Variants in SOBP observed in about 807,000 individuals in gnomAD.
SOBP encodes the protein sine oculis-binding protein homolog.
A neutral mutation model predicts 53.6 loss-of-function variants in SOBP; 4 were observed. The observed-to-expected ratio is 0.07, with a 90% CI of 0.04 to 0.17. The LOEUF is 0.17. SOBP is among the 10% of genes least tolerant of loss of function. The pLI, the probability that SOBP is intolerant of heterozygous loss-of-function variation, is 1.00. For synonymous variants in SOBP, 584 were observed against 522.6 expected (o/e 1.12, Z -1.60); for missense variants, 1,088 against 1,204.7 (o/e 0.90, Z 1.43).
intron 5 of SOBP, among the ~76,000 whole-genome samples, chr6:107,593,061 C>T (rs1156328485): frequency 6.6e-6 from 1 of 152,192 alleles, no homozygotes; most frequent in Non-Finnish European, 1.5e-5. Context: ...ATCTTCTTCT[C>T]CAGCTTTGTC....
At chr6:107,539,676 G>C (rs1019789157) in intron 4 of SOBP, among the ~76,000 whole-genome samples, 3 of 152,218 alleles carry the variant, frequency 2.0e-5, no homozygotes, top group African/African-American at 4.8e-5. Context: ...TAGTCCGACT[G>C]TCTGTTTGGG....
At chr6:107,600,071 T>A (rs985227129) in intron 5 of SOBP, among the ~76,000 whole-genome samples, 1 of 152,232 alleles carries the variant, frequency 6.6e-6, no homozygotes, top group African/African-American at 2.4e-5. Flanking sequence ...TAAGAAAACA[T>A]GCAAACAGAA....
At chr6:107,509,214 G>C (rs563811767) in intron 3 of SOBP, among the ~76,000 whole-genome samples, 13 of 152,220 alleles carry the variant, frequency 8.5e-5, no homozygotes, top group Non-Finnish European at 1.5e-4. Flanking sequence ...GACCAACATG[G>C]AGAAACCCCA....
At chr6:107,609,726 G>C (rs902277275) in intron 5 of SOBP, among the ~76,000 whole-genome samples, 1 of 152,080 alleles carries the variant, frequency 6.6e-6, no homozygotes, top group Non-Finnish European at 1.5e-5. Flanking sequence ...TAAATATTAG[G>C]AAGAGGAGAG....
At chr6:107,603,320 G>A (rs1012906380) in intron 5 of SOBP, among the ~76,000 whole-genome samples, 35 of 152,318 alleles carry the variant, frequency 2.3e-4, no homozygotes, top group African/African-American at 7.5e-4. Context: ...GAGGCACCCC[G>A]TGTACTTTCA....
At chr6:107,608,606 C>T (rs1366176590) in intron 5 of SOBP, among the ~76,000 whole-genome samples, 1 of 152,230 alleles carries the variant, frequency 6.6e-6, no homozygotes, top group Non-Finnish European at 1.5e-5. Flanking sequence ...GTAAGTGCTG[C>T]ATGCTGCACT....
At chr6:107,523,512 G>A (rs1339437478) in intron 3 of SOBP, among the ~76,000 whole-genome samples, 1 of 152,216 alleles carries the variant, frequency 6.6e-6, no homozygotes, top group Non-Finnish European at 1.5e-5. Flanking sequence ...GGTATTGAGG[G>A]AAGAAAAGGA....
At chr6:107,601,621 C>T (rs573556453) in intron 5 of SOBP, among the ~76,000 whole-genome samples, 149 of 152,296 alleles carry the variant, frequency 9.8e-4, no homozygotes, top group African/African-American at 3.4e-3. Context: ...AGAGCCTCTC[C>T]GCCTTCTGTC....
chr6:107,597,659 T>A (rs1318157230), intron 5 of SOBP, among the ~76,000 whole-genome samples: 1 of 152,222 alleles, frequency 6.6e-6, no homozygotes, highest in East Asian at 1.9e-4. Flanking sequence ...TAAGTTGTAA[T>A]GGAATTTTTA....
chr6:107,635,286 T>C lies in SOBP; in HGVS notation c.2442T>C (p.His814=). 2 of 1,613,838 alleles carry C rather than the reference T, an allele frequency of 1.2e-6. No homozygotes were observed. The highest frequency in any genetic ancestry group is 2.7e-5 in the African/African-American group (2 of 75,026). The change falls in exon 6 of 7, where the codon CAT becomes CAC. Residue 814 remains histidine, a synonymous_variant. Transcript: ENST00000317357. This position sits in a 1 kb window ranked among gnomAD's most constrained non-coding sequence, Gnocchi z 4.5. ...TTAATAACCCCGCGGACGAGGACCA[T>C]GCCTATGCTCTGCGGATGCTGCCCA... The part of the protein sequence containing the change: ...PNLNNPADED[H]AYALRMLPKT...
At chr6:107,551,734 A>T (rs932389642) in intron 4 of SOBP, among the ~76,000 whole-genome samples, 7 of 152,126 alleles carry the variant, frequency 4.6e-5, no homozygotes, top group African/African-American at 1.7e-4. Flanking sequence ...AAAATTGTTG[A>T]TTGGGGCTGG....
intron 5 of SOBP, among the ~76,000 whole-genome samples, chr6:107,631,606 A>T (rs846973): frequency 0.94 from 142,852 of 152,298 alleles, 67,179 homozygotes; most frequent in Non-Finnish European, 0.97. Flanking sequence ...ATCTCAATTA[A>T]GATAAAAGCT....
Position 107,633,549 on chromosome 6 carries a change from A to G in SOBP, c.705A>G (p.Lys235=). Residue 235 remains lysine, a synonymous_variant, in exon 6 of 7, where the codon AAA becomes AAG. Coordinates refer to ENST00000317357, the MANE Select transcript of SOBP (RefSeq NM_018013.4). ...GGTGTAAGCACATAAGACACACAAAAGAATACCTGGATTTTGGGGACGGGG... is the reference window on the plus strand; with the variant it reads ...GGTGTAAGCACATAAGACACACAAAGGAATACCTGGATTTTGGGGACGGGG... The part of the protein sequence containing the change: ...CDWCKHIRHT[K]EYLDFGDGER... The G allele has an allele frequency of 6.2e-7, 1 of 1,614,236 alleles. No homozygotes were observed. Among genetic ancestry groups the G allele is most frequent in the Non-Finnish European group, 8.5e-7 (1 of 1,180,038 alleles).
chr6:107,593,075 C>T (rs1263597222), intron 5 of SOBP, among the ~76,000 whole-genome samples: 1 of 152,224 alleles, frequency 6.6e-6, no homozygotes, highest in Non-Finnish European at 1.5e-5. Flanking sequence ...CTTTGTCTGC[C>T]ACTTTCCTCT....
chr6:107,580,774 G>A (rs1785377868), intron 4 of SOBP, among the ~76,000 whole-genome samples: 3 of 152,222 alleles, frequency 2.0e-5, no homozygotes, highest in South Asian at 2.1e-4. Context: ...CTTCTGTGAG[G>A]CCAAGACCAT....
chr6:107,638,438 T>A (rs1437047139), intron 6 of SOBP, among the ~76,000 whole-genome samples: 2 of 152,176 alleles, frequency 1.3e-5, no homozygotes, highest in Non-Finnish European at 2.9e-5. Context: ...CTCGAACTCC[T>A]GACCTCAGGT....
chr6:107,601,972 C>T (rs181583372), intron 5 of SOBP, among the ~76,000 whole-genome samples: 1 of 152,310 alleles, frequency 6.6e-6, no homozygotes, highest in East Asian at 1.9e-4. Flanking sequence ...TGTGTAATTG[C>T]ACATTAAGAA....
Position 107,604,862 on chromosome 6 carries a change from A to G in SOBP, c.669+17687A>G, listed in dbSNP as rs554820066. Among the ~76,000 whole-genome samples, 22 of 152,364 alleles carry G rather than the reference A, an allele frequency of 1.4e-4. No homozygotes were observed. In the East Asian group the frequency reaches 3.1e-3, roughly 21 times the overall value. ...TTCATGGGTGCGTGCATGTACATGCAGCAAGTTTCGCTGAAGATTCAAGTT... is the reference window on the plus strand; with the variant it reads ...TTCATGGGTGCGTGCATGTACATGCGGCAAGTTTCGCTGAAGATTCAAGTT... On this transcript the variant is annotated intron_variant, in intron 5 of 6. Coordinates refer to ENST00000317357, the MANE Select transcript of SOBP (RefSeq NM_018013.4).
intron 5 of SOBP, among the ~76,000 whole-genome samples, chr6:107,588,268 T>TA (rs1785628730): frequency 1.3e-5 from 2 of 152,184 alleles, no homozygotes; most frequent in Non-Finnish European, 2.9e-5. Context: ...ATTCAGTTCT[T>TA]ACCCATTCTA....
Sources: gnomAD v4.1 joint callset for allele counts (sites outside exome capture counted in the v4.1 genomes callset) on GRCh38, gnomAD v4.1.1 for gene constraint, Gnocchi (gnomAD v3.1) non-coding constraint, MANE v1.5 for transcripts, NCBI Gene and HGNC (gene_info 2026-07-23, HGNC 2026-07-21) for gene names.